Variants in GLIS3 observed in about 807,000 individuals in gnomAD.
GLIS3 encodes the protein zinc finger protein GLIS3.
Under a neutral mutation model 78.6 loss-of-function variants are expected in GLIS3, and 53 were observed. That is an observed-to-expected ratio of 0.67 (90% CI 0.54 to 0.85). The LOEUF (loss-of-function observed/expected upper bound fraction) is 0.85, where lower values mean the gene tolerates loss of function less well. Among genes scored for constraint, GLIS3 ranks in the 40% least tolerant of loss-of-function variants. The pLI is 0.00. For missense variants in GLIS3, 1,703 were observed against 1,231.1 expected, an observed-to-expected ratio of 1.38 and a Z score of -5.74; for synonymous variants, 684 against 509.9, an observed-to-expected ratio of 1.34 and a Z score of -4.60.
At chr9:3,872,990 G>T (rs1821064355) in intron 8 of GLIS3, among the ~76,000 whole-genome samples, 2 of 151,984 alleles carry the variant, frequency 1.3e-5, no homozygotes, top group African/African-American at 4.8e-5. Flanking sequence ...GCTGGTTATT[G>T]GAACATATAA....
chr9:4,175,070 A>T (rs1816699654), intron 2 of GLIS3, among the ~76,000 whole-genome samples: 1 of 152,162 alleles, frequency 6.6e-6, no homozygotes, highest in Non-Finnish European at 1.5e-5. Context: ...TCCTTCTTTT[A>T]AAGAGCAGGC....
At chr9:4,297,606 G>A (rs1210265456) in intron 1 of GLIS3, among the ~76,000 whole-genome samples, 6 of 152,180 alleles carry the variant, frequency 3.9e-5, no homozygotes, top group Non-Finnish European at 8.8e-5. Context: ...CCCTCTTTGT[G>A]AAACGGGGCC....
chr9:4,271,610 C>T (rs753460971), intron 2 of GLIS3, among the ~76,000 whole-genome samples: 3 of 152,168 alleles, frequency 2.0e-5, no homozygotes, highest in South Asian at 2.1e-4. Context: ...TCTGGCTGTA[C>T]ACCCTCCTCT....
chr9:4,061,948 G>A (rs1268684197), intron 4 of GLIS3, among the ~76,000 whole-genome samples: 2 of 152,176 alleles, frequency 1.3e-5, no homozygotes, highest in Non-Finnish European at 2.9e-5. Flanking sequence ...TAAGTCACAT[G>A]GCAAAAGGGA....
At chr9:4,374,099 G>A in the GLIS3 span, among the ~76,000 whole-genome samples, 1 of 152,302 alleles carries the variant, frequency 6.6e-6, no homozygotes, top group African/African-American at 2.4e-5. Flanking sequence ...CACGAAATCT[G>A]TCCACCTGTA....
the GLIS3 span, among the ~76,000 whole-genome samples, chr9:4,368,363 G>C: frequency 9.4e-5 from 14 of 149,208 alleles, no homozygotes; most frequent in Non-Finnish European, 1.9e-4. Context: ...TTTGGAGACG[G>C]AGTCTGAGTC....
At chr9:4,370,302 G>C in the GLIS3 span, among the ~76,000 whole-genome samples, 2 of 151,952 alleles carry the variant, frequency 1.3e-5, no homozygotes, top group African/African-American at 4.8e-5. Flanking sequence ...CTTCAGATGA[G>C]TGAGCAGCAT....
chr9:3,914,794 C>T (rs536568577), intron 6 of GLIS3, among the ~76,000 whole-genome samples: 85 of 152,312 alleles, frequency 5.6e-4, no homozygotes, highest in African/African-American at 1.9e-3. Context: ...CCTTCATCTT[C>T]TGACCACGGA....
chr9:4,490,108 G>A, the GLIS3 span, among the ~76,000 whole-genome samples: 1 of 152,240 alleles, frequency 6.6e-6, no homozygotes, highest in Non-Finnish European at 1.5e-5. Context: ...AGCTGGTGTG[G>A]AGAACGGAGA....
chr9:3,983,774 G>A (rs550763588), intron 4 of GLIS3, among the ~76,000 whole-genome samples: 3 of 152,304 alleles, frequency 2.0e-5, no homozygotes, highest in African/African-American at 7.2e-5. Flanking sequence ...CTAAGCAGCA[G>A]AGCATTCAAG....
At chr9:4,006,469 C>T (rs1056354532) in intron 4 of GLIS3, among the ~76,000 whole-genome samples, 8 of 152,120 alleles carry the variant, frequency 5.3e-5, no homozygotes, top group Non-Finnish European at 1.2e-4. Context: ...AGTCGTGCCC[C>T]GAGCACATCA....
intron 4 of GLIS3, among the ~76,000 whole-genome samples, chr9:4,044,908 G>A (rs1209376065): frequency 2.0e-5 from 3 of 152,194 alleles, no homozygotes; most frequent in African/African-American, 7.2e-5. Context: ...ACAGAATGCA[G>A]TGGGTGAGGA....
the GLIS3 span, among the ~76,000 whole-genome samples, chr9:4,417,113 C>T: frequency 1.5e-3 from 234 of 152,164 alleles, 1 homozygote; most frequent in African/African-American, 5.4e-3. Context: ...TACACTTTTC[C>T]GTCTATTAGT....
intron 2 of GLIS3, among the ~76,000 whole-genome samples, chr9:4,240,839 T>G (rs964074319): frequency 6.6e-6 from 1 of 152,104 alleles, no homozygotes; most frequent in African/African-American, 2.4e-5. Flanking sequence ...CCTGCACATG[T>G]ACCCCTGAAA....
intron 8 of GLIS3, among the ~76,000 whole-genome samples, chr9:3,867,866 A>G (rs1820702318): frequency 6.6e-6 from 1 of 152,084 alleles, no homozygotes; most frequent in Non-Finnish European, 1.5e-5. Flanking sequence ...CTAGAGAGAA[A>G]CTGGTCCTCT....
intron 4 of GLIS3, among the ~76,000 whole-genome samples, chr9:4,111,472 C>T (rs1447034733): frequency 6.6e-6 from 1 of 152,160 alleles, no homozygotes; most frequent in African/African-American, 2.4e-5. Context: ...GAATTAAATG[C>T]CTTCTAAAGG....
At chr9:4,410,752 T>C in the GLIS3 span, among the ~76,000 whole-genome samples, 1 of 152,210 alleles carries the variant, frequency 6.6e-6, no homozygotes, top group African/African-American at 2.4e-5. Context: ...AGGTACTCTT[T>C]GGCAAAATTT....
At chr9:4,219,134 G>T (rs1284382362) in intron 2 of GLIS3, among the ~76,000 whole-genome samples, 1 of 152,216 alleles carries the variant, frequency 6.6e-6, no homozygotes, top group African/African-American at 2.4e-5. Context: ...CAGGAATATA[G>T]CCAAATGCTT....
Position 4,118,901 on chromosome 9 carries a change from G to C in GLIS3, c.597-20C>G. 6.3e-7 allele frequency: 1 copy of C among 1,595,246 alleles called. No homozygotes were observed. The highest frequency in any genetic ancestry group is 8.5e-7 in the Non-Finnish European group (1 of 1,178,060). On this transcript the variant is annotated intron_variant, in intron 3 of 10. Transcript: ENST00000381971. The surrounding 1 kb of genome is among the most constrained non-coding windows in gnomAD (Gnocchi z 4.7). ...AGGGACCTGGAACAGCAGCCAGAAA[G>C]GAAGAAAAAAAAAAGATAAACATTT...
Sources: gnomAD v4.1 joint callset for allele counts (sites outside exome capture counted in the v4.1 genomes callset) on GRCh38, gnomAD v4.1.1 for gene constraint, Gnocchi (gnomAD v3.1) non-coding constraint, MANE v1.5 for transcripts, NCBI Gene and HGNC (gene_info 2026-07-23, HGNC 2026-07-21) for gene names.